The following KCND2 variants were observed in gnomAD, a reference collection of about 807,000 sequenced individuals.
The protein encoded by KCND2 is A-type voltage-gated potassium channel KCND2.
KCND2 carries 16 observed loss-of-function variants against 54.4 expected under a neutral mutation model. The observed-to-expected ratio is 0.29, with a 90% CI of 0.20 to 0.45. KCND2 has a LOEUF of 0.45. Among genes scored for constraint, KCND2 ranks in the 20% least tolerant of loss-of-function variants. KCND2 has a pLI of 1.00. For missense variants in KCND2, 486 were observed against 824.2 expected (o/e 0.59, Z 5.02); for synonymous variants, 317 against 310.7 (o/e 1.02, Z -0.21).
intron 1 of KCND2, among the ~76,000 whole-genome samples, chr7:120,507,126 C>A (rs935393009): frequency 2.0e-5 from 3 of 151,786 alleles, no homozygotes; most frequent in Non-Finnish European, 4.4e-5. Context: ...GATCATAGAC[C>A]ACATTCTTCC....
chr7:120,646,089 TAAAG>T (rs1793439090), intron 1 of KCND2, among the ~76,000 whole-genome samples: 1 of 152,210 alleles, frequency 6.6e-6, no homozygotes, highest in African/African-American at 2.4e-5. Context: ...GGAAATAAAC[TAAAG>T]TCTGCTGGAA....
intron 1 of KCND2, among the ~76,000 whole-genome samples, chr7:120,545,085 C>G (rs1480567082): frequency 2.6e-5 from 4 of 151,866 alleles, no homozygotes; most frequent in Non-Finnish European, 5.9e-5. Context: ...TATATTCAAA[C>G]AAACATTACC....
chr7:120,424,015 T>C (rs1363579696), intron 1 of KCND2, among the ~76,000 whole-genome samples: 1 of 152,202 alleles, frequency 6.6e-6, no homozygotes, highest in Non-Finnish European at 1.5e-5. Flanking sequence ...GATAAAAACA[T>C]AAAATTGGTA....
chr7:120,368,420 C>T (rs1394523456), intron 1 of KCND2, among the ~76,000 whole-genome samples: 9 of 151,898 alleles, frequency 5.9e-5, no homozygotes, highest in African/African-American at 2.2e-4. Flanking sequence ...AAATAAAAAA[C>T]TAATCCATGT....
At chr7:120,728,731 T>G (rs929431983) in intron 1 of KCND2, among the ~76,000 whole-genome samples, 7 of 152,060 alleles carry the variant, frequency 4.6e-5, no homozygotes, top group Non-Finnish European at 8.8e-5. Flanking sequence ...TTGGTGTAAC[T>G]TTTTTTGGGA....
At chr7:120,502,104 G>A (rs753884804) in intron 1 of KCND2, among the ~76,000 whole-genome samples, 27 of 152,126 alleles carry the variant, frequency 1.8e-4, no homozygotes, top group African/African-American at 5.8e-4. Flanking sequence ...TCTAGCCAAC[G>A]GTTGGAAATG....
At chr7:120,345,693 C>A (rs1800306943) in intron 1 of KCND2, among the ~76,000 whole-genome samples, 1 of 152,094 alleles carries the variant, frequency 6.6e-6, no homozygotes, top group South Asian at 2.1e-4. Flanking sequence ...TCAAAATTTC[C>A]TTTCTTTGAA....
intron 1 of KCND2, among the ~76,000 whole-genome samples, chr7:120,642,123 C>G (rs1485932768): frequency 6.6e-6 from 1 of 152,056 alleles, no homozygotes; most frequent in Non-Finnish European, 1.5e-5. Context: ...AGAGCTATTA[C>G]CAGTTCTTTT....
chr7:120,644,556 A>G (rs1562897054), intron 1 of KCND2, among the ~76,000 whole-genome samples: 1 of 152,192 alleles, frequency 6.6e-6, no homozygotes, highest in African/African-American at 2.4e-5. Context: ...TTATTAGCAA[A>G]GATTTTGTTT....
intron 1 of KCND2, among the ~76,000 whole-genome samples, chr7:120,329,717 C>A (rs1343190768): frequency 6.6e-6 from 1 of 152,114 alleles, no homozygotes; most frequent in Non-Finnish European, 1.5e-5. Context: ...TGATAAAATT[C>A]TTTCAAACTA....
chr7:120,663,746 C>A (rs555853568), intron 1 of KCND2, among the ~76,000 whole-genome samples: 61 of 152,252 alleles, frequency 4.0e-4, no homozygotes, highest in African/African-American at 1.4e-3. Context: ...GTCATGGATA[C>A]AATTCCAAAA....
At chr7:120,680,664 G>C (rs1209102600) in intron 1 of KCND2, among the ~76,000 whole-genome samples, 1 of 152,006 alleles carries the variant, frequency 6.6e-6, no homozygotes, top group South Asian at 2.1e-4. Context: ...TCTTATTGCT[G>C]CCTTTCATTA....
At chr7:120,654,843 C>T (rs1431867476) in intron 1 of KCND2, among the ~76,000 whole-genome samples, 1 of 152,012 alleles carries the variant, frequency 6.6e-6, no homozygotes, top group Non-Finnish European at 1.5e-5. Flanking sequence ...GATATACACA[C>T]ATACATTCAT....
intron 1 of KCND2, among the ~76,000 whole-genome samples, chr7:120,292,531 C>T (rs1220266432): frequency 6.6e-6 from 1 of 151,774 alleles, no homozygotes; most frequent in African/African-American, 2.4e-5. Context: ...TTTCCCTGTT[C>T]AATCTTCTAC....
At chr7:120,302,632 A>G (rs1054262504) in intron 1 of KCND2, among the ~76,000 whole-genome samples, 3 of 152,204 alleles carry the variant, frequency 2.0e-5, no homozygotes, top group East Asian at 1.9e-4. Context: ...TGTTTTATAT[A>G]TGGTTAAAAT....
At chr7:120,515,767 G>A (rs1293328233) in intron 1 of KCND2, among the ~76,000 whole-genome samples, 1 of 152,134 alleles carries the variant, frequency 6.6e-6, no homozygotes, top group Non-Finnish European at 1.5e-5. Context: ...ATGTGGTGAT[G>A]CCGAGGTGAG....
chr7:120,581,524 A>G (rs902519005), intron 1 of KCND2, among the ~76,000 whole-genome samples: 2 of 152,236 alleles, frequency 1.3e-5, no homozygotes, highest in Non-Finnish European at 2.9e-5. Context: ...GAGGGATAGA[A>G]TAAAACAATA....
At chr7:120,744,616 CTAGACTT>C (rs1345987873) in intron 4 of KCND2, among the ~76,000 whole-genome samples, 2 of 151,974 alleles carry the variant, frequency 1.3e-5, no homozygotes, top group Non-Finnish European at 2.9e-5. Context: ...ATATTATTCT[CTAGACTT>C]TAAAGAGTAG....
intron 1 of KCND2, among the ~76,000 whole-genome samples, chr7:120,540,780 TTGAC>T (rs1244700893): frequency 1.3e-5 from 2 of 152,170 alleles, no homozygotes; most frequent in Non-Finnish European, 2.9e-5. Context: ...GTTCACATGT[TTGAC>T]TGGTTTCTTT....
Sources: gnomAD v4.1 joint callset for allele counts (sites outside exome capture counted in the v4.1 genomes callset) on GRCh38, gnomAD v4.1.1 for gene constraint, MANE v1.5 for transcripts, NCBI Gene and HGNC (gene_info 2026-07-23, HGNC 2026-07-21) for gene names.